Variants in LPCAT2 observed in about 807,000 individuals in gnomAD.
LPCAT2 encodes 1-AGP acyltransferase 11.
In LPCAT2, 58 loss-of-function variants were observed where a neutral mutation model predicts 64.7. The ratio of observed to expected loss-of-function variants is 0.90; its 90% CI spans 0.73 to 1.12. The LOEUF (loss-of-function observed/expected upper bound fraction) is 1.12. Ranked by LOEUF, LPCAT2 falls within the 50% of genes most tolerant of loss-of-function variation. LPCAT2 has a pLI of 0.00. For missense variants in LPCAT2, 579 were observed against 669.8 expected, an observed-to-expected ratio of 0.86 and a Z score of 1.50; for synonymous variants, 252 against 245.3, an observed-to-expected ratio of 1.03 and a Z score of -0.26.
intron 1 of LPCAT2, among the ~76,000 whole-genome samples, chr16:55,521,638 T>C (rs1400673630): frequency 6.6e-6 from 1 of 151,750 alleles, no homozygotes; most frequent in African/African-American, 2.4e-5. Context: ...TGTATATCAC[T>C]TCTAAATTTA....
chr16:55,574,288 A>G (rs562080935), intron 11 of LPCAT2, among the ~76,000 whole-genome samples: 2 of 152,280 alleles, frequency 1.3e-5, no homozygotes, highest in South Asian at 4.1e-4. Context: ...TGGTGGAATG[A>G]ACACTTCACT....
intron 8 of LPCAT2, chr16:55,540,112 T>A (rs2142390491): frequency 6.6e-6 from 1 of 152,330 alleles, no homozygotes; most frequent in African/African-American, 2.4e-5. Context: ...ATAATGAGTC[T>A]AATATTTAGG....
In LPCAT2 at chr16:55,567,051, G is replaced by C. The variant is rs76369384; in HGVS notation, c.1216-7580G>C. The C allele has an allele frequency of 3.8e-3, 6,060 of 1,613,826 alleles. 121 individuals carry two copies. In the African/African-American group the frequency reaches 0.051, roughly 14 times the overall value. On this transcript the variant is annotated intron_variant, in intron 11 of 13. Transcript: ENST00000262134. ...ACCAGACATGGAGGTGGGTGCCACT[G>C]ATCTGATGAATATTCTCAACAAAGT...
At chr16:55,575,129 A>G (rs1242886261) in intron 12 of LPCAT2, among the ~76,000 whole-genome samples, 1 of 152,074 alleles carries the variant, frequency 6.6e-6, no homozygotes, top group African/African-American at 2.4e-5. Context: ...TGTCAGTGAT[A>G]TTTTCAGTGG....
At position 55,567,166 on chromosome 16, in the gene LPCAT2, G is replaced by C. The variant is rs1390728006; in HGVS notation, c.1216-7465G>C. 18 of 1,613,794 alleles carry C rather than the reference G, an allele frequency of 1.1e-5. No homozygotes were observed. The East Asian group carries it at 4.0e-4, about 36-fold the overall frequency. On this transcript the variant is annotated intron_variant, in intron 11 of 13. Coordinates refer to ENST00000262134, the MANE Select transcript of LPCAT2 (RefSeq NM_017839.5). ...TCTGTCATGGACAGTGACACGACTG[G>C]TAAGCTGGGCTTTGAAGAATTTAAG...
At chr16:55,534,733 G>A (rs2192855) in intron 7 of LPCAT2, among the ~76,000 whole-genome samples, 55,557 of 151,944 alleles carry the variant, frequency 0.37, 12,191 homozygotes, top group Non-Finnish European at 0.48. Context: ...TGGGTCTCAA[G>A]TGTTTGCTAG....
At chr16:55,566,173 G>A (rs1963693830) in intron 11 of LPCAT2, among the ~76,000 whole-genome samples, 1 of 152,122 alleles carries the variant, frequency 6.6e-6, no homozygotes, top group African/African-American at 2.4e-5. Flanking sequence ...GCAGCCCTAT[G>A]GAATCAGAAT....
Position 55,537,630 on chromosome 16 carries a change from G to A in LPCAT2, c.850G>A (p.Glu284Lys). 1 of 1,612,974 alleles carries A rather than the reference G, an allele frequency of 6.2e-7. No homozygotes were observed. Among genetic ancestry groups the A allele is most frequent in the Non-Finnish European group, 8.5e-7 (1 of 1,179,324 alleles). ...CCAGCTCTTCACAAAGGTAGAAGTT[G>A]AGGTAAGTCATTCAAAATGTGGCCT... ...FCQLFTKVEVEFMPVQVPNDE... is the reference protein window; with the variant it reads ...FCQLFTKVEVKFMPVQVPNDE... The change falls in exon 8 of 14, where the codon GAG (glutamate) becomes AAG (lysine). Residue 284 changes from glutamate to lysine, a missense_variant and splice_region_variant. Glu to Lys is a moderately conservative substitution (Grantham distance 56, BLOSUM62 1). Coordinates refer to ENST00000262134, the MANE Select transcript of LPCAT2 (RefSeq NM_017839.5).
At chr16:55,567,627 A>G (rs1963721357) in intron 11 of LPCAT2, 10 of 951,192 alleles carry the variant, frequency 1.1e-5, no homozygotes, top group Non-Finnish European at 1.6e-5. Context: ...TCACAACCCT[A>G]CATATTTCTG....
chr16:55,570,435 G>T (rs1232019327), intron 11 of LPCAT2, among the ~76,000 whole-genome samples: 1 of 151,944 alleles, frequency 6.6e-6, no homozygotes, highest in African/African-American at 2.4e-5. Context: ...ACTAGCCTGG[G>T]CAACATGGCA....
At chr16:55,519,122 T>C (rs1963055302) in intron 1 of LPCAT2, among the ~76,000 whole-genome samples, 1 of 152,134 alleles carries the variant, frequency 6.6e-6, no homozygotes, top group African/African-American at 2.4e-5. Context: ...CTGTATCTAA[T>C]GAAAATATTA....
At chr16:55,566,817 G>A (rs770666608) in intron 11 of LPCAT2, 1 of 1,613,752 alleles carries the variant, frequency 6.2e-7, no homozygotes. Context: ...AGCTCTTGGA[G>A]GCCTCTTTGG....
chr16:55,545,685 A>G lies in LPCAT2; in HGVS notation c.853-50A>G, dbSNP rs1410290505. 3 of 1,159,846 alleles carry G rather than the reference A, an allele frequency of 2.6e-6. No homozygotes were observed. In the Admixed American group the frequency reaches 6.2e-5, roughly 24 times the overall value. 71.8% of individuals were successfully genotyped at this position (1,159,846 alleles called of 1,614,324 possible). On this transcript the variant is annotated intron_variant, in intron 8 of 13. Transcript: ENST00000262134. ...GTATAAATTAATTTACTTGGCATTT[A>G]ATGTCTTAGGCTTAAGACATTGTTA...
chr16:55,562,544 T>C (rs1963647831), intron 11 of LPCAT2, among the ~76,000 whole-genome samples: 2 of 151,742 alleles, frequency 1.3e-5, no homozygotes, highest in Admixed American at 6.6e-5. Context: ...CTAAAACATA[T>C]ATATACAAAT....
At chr16:55,525,454 G>A in intron 1 of LPCAT2, 54 bp from the exon 2 acceptor site, 1 of 1,507,758 alleles carries the variant, frequency 6.6e-7, no homozygotes, top group Non-Finnish European at 9.1e-7. Context: ...CTGTTTGATA[G>A]CCATGAATTA....
intron 11 of LPCAT2, among the ~76,000 whole-genome samples, chr16:55,564,783 C>T (rs1168626847): frequency 6.6e-6 from 1 of 151,862 alleles, no homozygotes; most frequent in Admixed American, 6.6e-5. Flanking sequence ...CTGGATTTCT[C>T]AATGATTTCT....
intron 6 of LPCAT2, 66 bp downstream of exon 6, chr16:55,532,948 C>A: frequency 7.8e-7 from 1 of 1,288,300 alleles, no homozygotes; most frequent in Non-Finnish European, 1.1e-6. Flanking sequence ...CTCTGGGACC[C>A]CTTTTAATAT....
Position 55,537,574 on chromosome 16 carries a change from T to A in LPCAT2, c.798-4T>A. 3.1e-6 allele frequency: 5 copies of A among 1,612,000 alleles called. No individual in the cohort carries two copies. Among genetic ancestry groups the A allele is most frequent in the Non-Finnish European group, 4.2e-6 (5 of 1,178,856 alleles). Reference sequence around the variant, plus strand: ...AAAGATAGACTTTTCTTTTTTCTCTTCAGCATTCAGCTTTGTATGCTTACT... The same window carrying A: ...AAAGATAGACTTTTCTTTTTTCTCTACAGCATTCAGCTTTGTATGCTTACT... On this transcript the variant is annotated splice_region_variant and splice_polypyrimidine_tract_variant and intron_variant, in intron 7 of 13. Transcript: ENST00000262134.
At chr16:55,550,825 C>A (rs1273187873) in intron 10 of LPCAT2, 124 bp from the exon 11 acceptor site, 22 of 731,378 alleles carry the variant, frequency 3.0e-5, no homozygotes, top group Non-Finnish European at 4.1e-5. Flanking sequence ...ATTTTATTCT[C>A]CTTTACAAAT....
Sources: allele counts gnomAD v4.1 joint callset (sites outside exome capture counted in the v4.1 genomes callset), GRCh38; gene constraint gnomAD v4.1.1; transcripts MANE v1.5; gene names NCBI Gene and HGNC (gene_info 2026-07-23, HGNC 2026-07-21).